Variants in PLOD3 observed in about 807,000 individuals in gnomAD.
PLOD3 encodes the protein multifunctional procollagen lysine hydroxylase and glycosyltransferase LH3.
Under a neutral mutation model 96.9 loss-of-function variants are expected in PLOD3, and 73 were observed. The observed-to-expected ratio is 0.75, with a 90% CI of 0.62 to 0.92. PLOD3 has a LOEUF of 0.92. Among genes scored for constraint, PLOD3 ranks in the 40% least tolerant of loss-of-function variants. The pLI is 0.00. For missense variants in PLOD3, 1,004 were observed against 1,004.3 expected, an observed-to-expected ratio of 1.00 and a Z score of 0.00; for synonymous variants, 454 against 413.7, an observed-to-expected ratio of 1.10 and a Z score of -1.18.
chr7:101,211,037 T>C, intron 12 of PLOD3: 2 of 279,284 alleles, frequency 7.2e-6, no homozygotes, highest in Non-Finnish European at 1.4e-5. Context: ...CCAGCCACCA[T>C]GCCCGGCTGA....
intron 9 of PLOD3, 35 bp downstream of exon 9, chr7:101,212,495 G>A (rs1435356670): frequency 3.1e-6 from 5 of 1,611,168 alleles, no homozygotes; most frequent in Non-Finnish European, 4.2e-6. Context: ...CAGGGAAAGG[G>A]TCCCTCAGGA....
Position 101,212,645 on chromosome 7 carries a change from C to CT in PLOD3, c.889_890insA (p.Arg297GlnfsTer44), listed in dbSNP as rs1562894099. ...TTCCACAAACACGGCCAGAAACACC[C>CT]GGGGGGGAGGCTGGAAGATGCAACA... On this transcript the variant is annotated frameshift_variant, in exon 9 of 19. Transcript: ENST00000223127. LOFTEE classifies it high-confidence loss of function. The CT allele has an allele frequency of 6.2e-7, 1 of 1,613,504 alleles. No individual in the cohort carries two copies. Among genetic ancestry groups the CT allele is most frequent in the African/African-American group, 1.3e-5 (1 of 74,936 alleles).
In PLOD3 at chr7:101,207,707, T is replaced by C; in HGVS notation, c.1806A>G (p.Gly602=). 1 of 1,613,736 alleles carries C rather than the reference T, an allele frequency of 6.2e-7. No individual in the cohort carries two copies. Among genetic ancestry groups the C allele is most frequent in the Non-Finnish European group, 8.5e-7 (1 of 1,179,900 alleles). Residue 602 remains glycine (G), a synonymous_variant, in exon 17 of 19, where the codon GGA becomes GGG. Coordinates refer to ENST00000223127, the MANE Select transcript of PLOD3 (RefSeq NM_001084.5). The part of the protein sequence containing the change: ...GGRHEDSRLA[G]GYENVPTVDI... ...CCACGGTGGGCACATTCTCGTAGCCTCCAGCCAGCCTTGAATCCTGGGGGC... is the reference window on the plus strand; with the variant it reads ...CCACGGTGGGCACATTCTCGTAGCCCCCAGCCAGCCTTGAATCCTGGGGGC...
intron 7 of PLOD3, 78 bp downstream of exon 7, chr7:101,213,029 G>C: frequency 7.2e-7 from 1 of 1,386,862 alleles, no homozygotes; most frequent in Non-Finnish European, 1.0e-6. Flanking sequence ...GGGCTGGGAA[G>C]GGCCAGCTTC....
At position 101,211,676 on chromosome 7, in the gene PLOD3, A is replaced by G. The variant is rs759093145; in HGVS notation, c.1273T>C (p.Trp425Arg). 1.0e-5 allele frequency: 16 copies of G among 1,607,848 alleles called. No individual in the cohort carries two copies. Among genetic ancestry groups the G allele is most frequent in the Non-Finnish European group, 1.4e-5 (16 of 1,177,838 alleles). The change falls in exon 12 of 19, where the codon TGG (tryptophan) becomes CGG (arginine). Residue 425 changes from tryptophan to arginine, a missense_variant. By Grantham distance (101) the Trp-to-Arg change is moderately radical. Around this residue, in one of 5 missense-constraint regions of PLOD3, gnomAD observed 690 missense variants for 650.2 expected, o/e 1.06. Transcript: ENST00000223127. ...CTCAGGGCGCCCCAGAAGTTGGACCACAGCTTGCCGTGGCGGGACAGCATG... is the reference window on the plus strand; with the variant it reads ...CTCAGGGCGCCCCAGAAGTTGGACCGCAGCTTGCCGTGGCGGGACAGCATG... ...APMLSRHGKLWSNFWGALSPD... is the reference protein window; with the variant it reads ...APMLSRHGKLRSNFWGALSPD...
chr7:101,211,764 G>A, intron 11 of PLOD3, 48 bp from the exon 12 acceptor site: 1 of 1,592,668 alleles, frequency 6.3e-7, no homozygotes, highest in Admixed American at 1.8e-5. Flanking sequence ...GCAGGCCTGG[G>A]GAGCCCGGTG....
rs199707124 is a variant in PLOD3 at position 101,211,704 on chromosome 7, G to A, written c.1245C>T (p.Ala415=). 1.1e-5 allele frequency: 17 copies of A among 1,605,500 alleles called. No homozygotes were observed. Among genetic ancestry groups the A allele is most frequent in the Admixed American group, 8.6e-5 (5 of 58,372 alleles). ...ILIEENRKVI[A]PMLSRHGKLW... ...GCTTGCCGTGGCGGGACAGCATGGGGGCGATCACCTTCCTGCGGACAGGTG... is the reference window on the plus strand; with the variant it reads ...GCTTGCCGTGGCGGGACAGCATGGGAGCGATCACCTTCCTGCGGACAGGTG... Residue 415 remains alanine, a synonymous_variant, in exon 12 of 19, where the codon GCC becomes GCT. Transcript: ENST00000223127.
rs776953423 is a variant in PLOD3 at position 101,212,826 on chromosome 7, G to A, written c.879+16C>T. ...ACGCTGCCCTCTCGTGCCCCTCCCT[G>A]GCACCCCCACCTCACCTGCCCCCCC... On this transcript the variant is annotated intron_variant, in intron 8 of 18. Coordinates refer to ENST00000223127, the MANE Select transcript of PLOD3 (RefSeq NM_001084.5). 5.6e-6 allele frequency: 9 copies of A among 1,598,742 alleles called. No individual in the cohort carries two copies. The African/African-American group carries it at 1.2e-4, about 21-fold the overall frequency.
chr7:101,212,997 G>A, intron 7 of PLOD3, 54 bp from the exon 8 acceptor site: 1 of 1,439,822 alleles, frequency 6.9e-7, no homozygotes, highest in Non-Finnish European at 9.8e-7. Context: ...GTGGAGGTGG[G>A]GGTCAGGCAC....
Position 101,216,687 on chromosome 7 carries a change from C to CT in PLOD3, c.201+7dup, listed in dbSNP as rs774877919. The CT allele has an allele frequency of 2.1e-5, 34 of 1,612,982 alleles. No individual in the cohort carries two copies. Among genetic ancestry groups the CT allele is most frequent in the Admixed American group, 6.7e-5 (4 of 60,000 alleles). On this transcript the variant is annotated splice_region_variant and intron_variant, in intron 2 of 18. Coordinates refer to ENST00000223127, the MANE Select transcript of PLOD3 (RefSeq NM_001084.5). Reference sequence around the variant, plus strand: ...GACCCCCTCCCAGGGGCCTTTCCCTCTCCTCACCCGCACAGTGTAGTTGAA... The same window carrying CT: ...GACCCCCTCCCAGGGGCCTTTCCCTCTTCCTCACCCGCACAGTGTAGTTGAA...
Position 101,211,663 on chromosome 7 carries a change from C to A in PLOD3, c.1286G>T (p.Trp429Leu). 1 of 1,607,658 alleles carries A rather than the reference C, an allele frequency of 6.2e-7. No homozygotes were observed. The highest frequency in any genetic ancestry group is 1.3e-5 in the African/African-American group (1 of 74,982). Residue 429 changes from tryptophan (W) to leucine (L), a missense_variant, in exon 12 of 19, where the codon TGG becomes TTG. Physicochemically the swap from Trp to Leu is moderately conservative, Grantham distance 61. This residue lies in a region of PLOD3 where 690 missense variants were observed against 650.2 expected (regional missense o/e 1.06). Transcript: ENST00000223127. ...GTACTCATCGGGGCTCAGGGCGCCCCAGAAGTTGGACCACAGCTTGCCGTG... is the reference window on the plus strand; with the variant it reads ...GTACTCATCGGGGCTCAGGGCGCCCAAGAAGTTGGACCACAGCTTGCCGTG... ...SRHGKLWSNF[W>L]GALSPDEYYA...
intron 17 of PLOD3, among the ~76,000 whole-genome samples, chr7:101,207,178 C>T (rs1232131474): frequency 6.6e-6 from 1 of 152,016 alleles, no homozygotes; most frequent in Non-Finnish European, 1.5e-5. Flanking sequence ...GTTTCACCAT[C>T]TTGGCCAGGC....
chr7:101,208,797 A>T, intron 16 of PLOD3, 56 bp downstream of exon 16: 1 of 1,161,060 alleles, frequency 8.6e-7, no homozygotes, highest in Admixed American at 1.7e-5. Context: ...TTTGTTTACC[A>T]GATCCTGCAC....
At chr7:101,210,788 T>G (rs995171321) in intron 12 of PLOD3, 115 bp from the exon 13 acceptor site, 7 of 1,151,874 alleles carry the variant, frequency 6.1e-6, no homozygotes, top group Non-Finnish European at 8.8e-6. Context: ...ATAAGGCCCC[T>G]GCATGTCCCT....
rs753935592 is a variant in PLOD3 at position 101,215,893 on chromosome 7, C to A, written c.615+15G>T. On this transcript the variant is annotated intron_variant, in intron 5 of 18. Transcript: ENST00000223127. ...ACAGAGCTGCGGGATGCGCCCACTCCTCTGCCTTCCCTACCCTCAGTCCTG... is the reference window on the plus strand; with the variant it reads ...ACAGAGCTGCGGGATGCGCCCACTCATCTGCCTTCCCTACCCTCAGTCCTG... 3 of 1,564,366 alleles carry A rather than the reference C, an allele frequency of 1.9e-6. No individual in the cohort carries two copies. The highest frequency in any genetic ancestry group is 2.6e-6 in the Non-Finnish European group (3 of 1,134,634).
intron 6 of PLOD3, among the ~76,000 whole-genome samples, chr7:101,213,716 G>A (rs1798225368): frequency 6.6e-6 from 1 of 151,754 alleles, no homozygotes; most frequent in Non-Finnish European, 1.5e-5. Context: ...TTTTTATGCT[G>A]AGATGGAGTC....
rs1798282153 is a variant in PLOD3 at position 101,216,698 on chromosome 7, CACAGTGT to C, written c.191_197del (p.Tyr64CysfsTer28). ...AGGGGCCTTTCCCTCTCCTCACCCG[CACAGTGT>C]AGTTGAAGAACTCCGCAGAGCGCAG... is the stretch of plus-strand genomic sequence containing the variant. On this transcript the variant is annotated frameshift_variant, in exon 2 of 19. Coordinates refer to ENST00000223127, the MANE Select transcript of PLOD3 (RefSeq NM_001084.5). LOFTEE classifies it high-confidence loss of function. 1 of 1,613,502 alleles carries C rather than the reference CACAGTGT, an allele frequency of 6.2e-7. No individual in the cohort carries two copies. Among genetic ancestry groups the C allele is most frequent in the South Asian group, 1.1e-5 (1 of 91,082 alleles).
rs1798154487 is a variant in PLOD3 at position 101,209,903 on chromosome 7, AG to A, written c.1683+189del. ...CAGTATACCCAATATACAGGAGAAG[AG>A]GCTGTCTGATCAATGCTGGCTTTGG... On this transcript the variant is annotated intron_variant, in intron 15 of 18. Coordinates refer to ENST00000223127, the MANE Select transcript of PLOD3 (RefSeq NM_001084.5). 67 of 583,320 alleles carry A rather than the reference AG, an allele frequency of 1.1e-4. No homozygotes were observed. In the East Asian group the frequency reaches 1.8e-3, roughly 16 times the overall value. 36.1% of individuals were successfully genotyped at this position (583,320 alleles called of 1,614,324 possible). A position where few individuals can be genotyped will look rare whatever the true frequency, so the allele number is the denominator to read the frequency against.
Position 101,207,616 on chromosome 7 carries a change from G to T in PLOD3, c.1897C>A (p.Pro633Thr). 6.2e-7 allele frequency: 1 copy of T among 1,614,052 alleles called. No individual in the cohort carries two copies. Among genetic ancestry groups the T allele is most frequent in the Non-Finnish European group, 8.5e-7 (1 of 1,179,972 alleles). ...CCGGGAAACAGGCTCTCGGTCATGG[G>T]GCCCACATACGTCCGCAGCAGCTGC... ...WLQLLRTYVG[P>T]MTESLFPGYH... Residue 633 changes from proline (P) to threonine (T), a missense_variant, in exon 17 of 19, where the codon CCC becomes ACC. This residue lies in a region of PLOD3 where 222 missense variants were observed against 220.4 expected (regional missense o/e 1.01). Coordinates refer to ENST00000223127, the MANE Select transcript of PLOD3 (RefSeq NM_001084.5).
Sources: allele counts gnomAD v4.1 joint callset (sites outside exome capture counted in the v4.1 genomes callset), GRCh38; gene constraint gnomAD v4.1.1; regional missense constraint gnomAD v4.1.1; transcripts MANE v1.5; gene names NCBI Gene and HGNC (gene_info 2026-07-23, HGNC 2026-07-21).